ATP2A2: variants seen among roughly 807,000 people sequenced by gnomAD.
ATP2A2 encodes the protein ATPase sarcoplasmic/endoplasmic reticulum Ca2+ transporting 2.
In ATP2A2, 14 loss-of-function variants were observed where a neutral mutation model predicts 109.3. The ratio of observed to expected loss-of-function variants is 0.13; its 90% CI spans 0.08 to 0.20. ATP2A2 has a LOEUF of 0.20. ATP2A2 is among the 10% of genes least tolerant of loss of function. The pLI is 1.00. For synonymous variants in ATP2A2, 506 were observed against 490.9 expected (o/e 1.03, Z -0.41); for missense variants, 657 against 1,321.6 (o/e 0.50, Z 7.80).
At chr12:110,324,276 GTTTC>G (rs1365507248) in intron 6 of ATP2A2, among the ~76,000 whole-genome samples, 4 of 151,896 alleles carry the variant, frequency 2.6e-5, no homozygotes, top group African/African-American at 9.7e-5. Context: ...TTTTGGTATT[GTTTC>G]TTTATAAATA....
In ATP2A2 at chr12:110,281,777, G is replaced by A; in HGVS notation, c.-13G>A. 6.7e-7 allele frequency: 1 copy of A among 1,489,920 alleles called. No homozygotes were observed. The highest frequency in any genetic ancestry group is 1.5e-5 in the African/African-American group (1 of 68,918). 92.3% of individuals were successfully genotyped at this position (1,489,920 alleles called of 1,614,324 possible). ...CGGGGACGGGAGGCGAGGCCGGCCG[G>A]GCCCCCGAAGCCATGGAGAACGCGC... On this transcript the variant is annotated 5_prime_UTR_variant, in exon 1 of 20. Transcript: ENST00000539276.
At chr12:110,321,777 C>T (rs1356412004) in intron 5 of ATP2A2, among the ~76,000 whole-genome samples, 1 of 152,078 alleles carries the variant, frequency 6.6e-6, no homozygotes, top group Non-Finnish European at 1.5e-5. Context: ...TATTTGAATA[C>T]CAGCAGAGGG....
chr12:110,313,310 CTTTTT>C (rs748790705), intron 5 of ATP2A2, among the ~76,000 whole-genome samples: 11,099 of 113,050 alleles, frequency 0.098, 431 homozygotes, highest in Middle Eastern at 0.14. Context: ...ACCACCTTTC[CTTTTT>C]TTTTTTTTTT....
chr12:110,309,908 C>CAA (rs58660341), intron 5 of ATP2A2, among the ~76,000 whole-genome samples: 2 of 135,694 alleles, frequency 1.5e-5, no homozygotes, highest in Admixed American at 7.4e-5. Context: ...GACCCTGACT[C>CAA]AAAAAAAAAA....
chr12:110,292,959 G>A (rs141099257), intron 4 of ATP2A2, among the ~76,000 whole-genome samples: 1 of 152,098 alleles, frequency 6.6e-6, no homozygotes, highest in African/African-American at 2.4e-5. Flanking sequence ...GGTAGGTTTA[G>A]CTATAAAAAT....
In ATP2A2 at chr12:110,342,887, C is replaced by G. The variant is rs1004945691; in HGVS notation, c.2319-345C>G. The stretch of plus-strand genomic sequence containing the variant: ...CCGAACAGCTGGGATTACAGGCATG[C>G]GCCACCACTCCCTGCCATTTTTTTG... On this transcript the variant is annotated intron_variant, in intron 15 of 19. Transcript: ENST00000539276. The surrounding 1 kb of genome is among the most constrained non-coding windows in gnomAD (Gnocchi z 4.6). 6.6e-6 allele frequency among the ~76,000 whole-genome samples: 1 copy of G among 152,048 alleles called. No individual in the cohort carries two copies. The highest frequency in any genetic ancestry group is 2.4e-5 in the African/African-American group (1 of 41,392).
At chr12:110,323,921 A>T (rs982997860) in intron 6 of ATP2A2, among the ~76,000 whole-genome samples, 2 of 152,332 alleles carry the variant, frequency 1.3e-5, no homozygotes, top group Admixed American at 6.5e-5. Flanking sequence ...CCAGTGCTGT[A>T]ATTTTTTTCA....
intron 3 of ATP2A2, among the ~76,000 whole-genome samples, chr12:110,291,206 C>CA (rs1873248916): frequency 7.1e-6 from 1 of 141,750 alleles, no homozygotes. Flanking sequence ...TCGCACCCGG[C>CA]TTTTTTTTTT....
chr12:110,325,410 G>T (rs539750860), intron 6 of ATP2A2, among the ~76,000 whole-genome samples: 1 of 151,760 alleles, frequency 6.6e-6, no homozygotes, highest in Non-Finnish European at 1.5e-5. Flanking sequence ...GAGGTGGGGG[G>T]ATCACCTCAG....
chr12:110,338,907 C>T (rs752100928), intron 11 of ATP2A2, among the ~76,000 whole-genome samples: 2 of 152,194 alleles, frequency 1.3e-5, no homozygotes, highest in Non-Finnish European at 2.9e-5. Context: ...CCAGGACTTG[C>T]CAGGTTGCAC....
Position 110,348,403 on chromosome 12 carries a change from A to AT in ATP2A2, c.*1934dup. The AT allele has an allele frequency of 1.0e-6, 1 of 985,438 alleles. No individual in the cohort carries two copies. The highest frequency in any genetic ancestry group is 4.7e-5 in the South Asian group (1 of 21,278). The allele number at this position is 985,438 out of a possible 1,614,324, so 61.0% of individuals were successfully genotyped here. On this transcript the variant is annotated 3_prime_UTR_variant, in exon 20 of 20. Transcript: ENST00000539276. ...TTAGCCAGGGTGTGAGGCCTCGACTATATTCTTCAAAATGTACTTAGGCTC... is the reference window on the plus strand; with the variant it reads ...TTAGCCAGGGTGTGAGGCCTCGACTATTATTCTTCAAAATGTACTTAGGCTC...
In ATP2A2 at chr12:110,349,616, TGACTGAGGTGGGCAGACCTAAGACCTGA is replaced by T; in HGVS notation, c.*3150_*3177del. 1 of 986,420 alleles carries T rather than the reference TGACTGAGGTGGGCAGACCTAAGACCTGA, an allele frequency of 1.0e-6. No individual in the cohort carries two copies. The highest frequency in any genetic ancestry group is 1.2e-6 in the Non-Finnish European group (1 of 830,584). The allele number at this position is 986,420 out of a possible 1,614,324, so 61.1% of individuals were successfully genotyped here. ...TCCCCTCGGACTGGAGCTTCAGCCC[TGACTGAGGTGGGCAGACCTAAGACCTGA>T]GACCACAAGATTAGCTCAGTGTCTA... On this transcript the variant is annotated 3_prime_UTR_variant, in exon 20 of 20. Coordinates refer to ENST00000539276, the MANE Select transcript of ATP2A2 (RefSeq NM_170665.4).
In ATP2A2 at chr12:110,340,649, C is replaced by T. The variant is rs1555284453; in HGVS notation, c.1762-10C>T. ...TGCCACTTTTATTTAAAGTGATGCTCTTATTTTAGACCAATCTGACCTTCG... is the reference window on the plus strand; with the variant it reads ...TGCCACTTTTATTTAAAGTGATGCTTTTATTTTAGACCAATCTGACCTTCG... On this transcript the variant is annotated splice_polypyrimidine_tract_variant and intron_variant, in intron 13 of 19. Transcript: ENST00000539276. The surrounding 1 kb of genome is among the most constrained non-coding windows in gnomAD (Gnocchi z 6.0). 6.2e-7 allele frequency: 1 copy of T among 1,614,050 alleles called. No individual in the cohort carries two copies.
At position 110,295,336 on chromosome 12, in the gene ATP2A2, A is replaced by G. The variant is rs914178634; in HGVS notation, c.325-1263A>G. On this transcript the variant is annotated intron_variant, in intron 4 of 19. Coordinates refer to ENST00000539276, the MANE Select transcript of ATP2A2 (RefSeq NM_170665.4). ...GGCACCATGTCAGGATAATTTTTGC[A>G]TTTTTCGTAGAGACACTGTCTCGTT... is the stretch of plus-strand genomic sequence containing the variant. 3.3e-5 allele frequency among the ~76,000 whole-genome samples: 5 copies of G among 151,458 alleles called. No homozygotes were observed. The East Asian group carries it at 5.9e-4, about 18-fold the overall frequency.
chr12:110,308,809 C>G (rs1170901528), intron 5 of ATP2A2, among the ~76,000 whole-genome samples: 1 of 152,104 alleles, frequency 6.6e-6, no homozygotes, highest in African/African-American at 2.4e-5. Context: ...ATAAATTGTG[C>G]TTTTAGACAT....
In ATP2A2 at chr12:110,343,516, G is replaced by A. The variant is rs572795142; in HGVS notation, c.2521+82G>A. ...TTTTGTAAATTCATCCCTTAAAAGC[G>A]TGTTTTTTCTTCTATCCCCGTATAG... On this transcript the variant is annotated intron_variant, in intron 16 of 19. Transcript: ENST00000539276. The A allele has an allele frequency of 9.4e-5, 142 of 1,516,092 alleles. No homozygotes were observed. The African/African-American group carries it at 1.7e-3, about 18-fold the overall frequency. The allele number at this position is 1,516,092 out of a possible 1,614,324, so 93.9% of individuals were successfully genotyped here. A position where few individuals can be genotyped will look rare whatever the true frequency, so the allele number is the denominator to read the frequency against.
chr12:110,280,993 G>A (rs548258428), upstream of ATP2A2: 1 of 152,184 alleles, frequency 6.6e-6, no homozygotes, highest in East Asian at 1.9e-4. Flanking sequence ...CGCAGGCACA[G>A]AAGAGGGTAC....
At position 110,346,607 on chromosome 12, in the gene ATP2A2, T is replaced by C. The variant is rs1280416125; in HGVS notation, c.*137T>C. On this transcript the variant is annotated 3_prime_UTR_variant, in exon 20 of 20. Transcript: ENST00000539276. Reference sequence around the variant, plus strand: ...GAGGTTTCATACTCTAGATTTTGTTTTGCTTTTTCTGACTCCAGTGGGGCA... The same window carrying C: ...GAGGTTTCATACTCTAGATTTTGTTCTGCTTTTTCTGACTCCAGTGGGGCA... The C allele has an allele frequency of 1.3e-6, 2 of 1,506,156 alleles. No individual in the cohort carries two copies. Among genetic ancestry groups the C allele is most frequent in the Non-Finnish European group, 1.8e-6 (2 of 1,134,824 alleles). 93.3% of individuals were successfully genotyped at this position (1,506,156 alleles called of 1,614,324 possible). A position where few individuals can be genotyped will look rare whatever the true frequency, so the allele number is the denominator to read the frequency against.
chr12:110,302,532 A>G (rs904148241), intron 5 of ATP2A2, among the ~76,000 whole-genome samples: 1 of 151,860 alleles, frequency 6.6e-6, no homozygotes, highest in African/African-American at 2.4e-5. Context: ...TAAAAAGCGT[A>G]TATATTGCTT....
Sources: gnomAD v4.1 joint callset for allele counts (sites outside exome capture counted in the v4.1 genomes callset) on GRCh38, gnomAD v4.1.1 for gene constraint, Gnocchi (gnomAD v3.1) non-coding constraint, MANE v1.5 for transcripts, NCBI Gene and HGNC (gene_info 2026-07-23, HGNC 2026-07-21) for gene names.